Variants in NARS2 observed in about 807,000 individuals in gnomAD.
NARS2 encodes the protein asparaginyl-tRNA synthetase.
In NARS2, 60 loss-of-function variants were observed where a neutral mutation model predicts 62.9. The observed-to-expected ratio is 0.95, with a 90% confidence interval of 0.77 to 1.18. The LOEUF (loss-of-function observed/expected upper bound fraction) is 1.18. Ranked by LOEUF, NARS2 falls within the 50% of genes most tolerant of loss-of-function variation. The pLI, the probability that NARS2 is intolerant of heterozygous loss-of-function variation, is 0.00. For synonymous variants in NARS2, 196 were observed against 200.0 expected, an observed-to-expected ratio of 0.98 and a Z score of 0.17; for missense variants, 619 against 576.4, an observed-to-expected ratio of 1.07 and a Z score of -0.76.
chr11:78,504,513 TA>T (rs754744812), intron 6 of NARS2, among the ~76,000 whole-genome samples: 31 of 147,702 alleles, frequency 2.1e-4, no homozygotes, highest in Middle Eastern at 6.9e-3. Context: ...TAAATAAAAC[TA>T]ATGTGGCTAG....
At chr11:78,439,958 G>A (rs1857525054) in intron 13 of NARS2, among the ~76,000 whole-genome samples, 1 of 152,166 alleles carries the variant, frequency 6.6e-6, no homozygotes, top group South Asian at 2.1e-4. Flanking sequence ...TAAGCAGCTT[G>A]GATTTCTATA....
intron 11 of NARS2, chr11:78,443,971 G>T: frequency 3.2e-6 from 1 of 314,836 alleles, no homozygotes; most frequent in Non-Finnish European, 5.9e-6. Context: ...TCATAAATGT[G>T]ATAGAAATGT....
chr11:78,446,701 T>C (rs1027870512), intron 11 of NARS2, among the ~76,000 whole-genome samples: 1 of 152,006 alleles, frequency 6.6e-6, no homozygotes, highest in African/African-American at 2.4e-5. Context: ...TCAAAATGGA[T>C]TAAAGATTTA....
chr11:78,519,024 T>G (rs1441296992), intron 6 of NARS2, among the ~76,000 whole-genome samples: 1 of 152,034 alleles, frequency 6.6e-6, no homozygotes, highest in East Asian at 1.9e-4. Context: ...CGAATCATAA[T>G]CAAAAAGATC....
intron 6 of NARS2, among the ~76,000 whole-genome samples, chr11:78,495,714 G>A (rs7128449): frequency 0.75 from 114,444 of 151,996 alleles, 43,498 homozygotes; most frequent in Non-Finnish European, 0.82. Context: ...TGTCACTGAC[G>A]CCCTCAGTAC....
intron 9 of NARS2, among the ~76,000 whole-genome samples, chr11:78,470,421 T>C (rs983223959): frequency 2.6e-5 from 4 of 152,180 alleles, no homozygotes; most frequent in African/African-American, 9.6e-5. Context: ...ATTGTGAACA[T>C]CCCTCTAGAG....
At chr11:78,478,510 T>A (rs997992083) in intron 8 of NARS2, 35 bp from the exon 9 acceptor site, 1 of 1,244,354 alleles carries the variant, frequency 8.0e-7, no homozygotes, top group African/African-American at 1.5e-5. Context: ...ATTTTAAAAA[T>A]ATAATTTTAT....
intron 6 of NARS2, among the ~76,000 whole-genome samples, chr11:78,512,555 A>T (rs1025649505): frequency 5.3e-5 from 8 of 152,190 alleles, no homozygotes; most frequent in African/African-American, 1.9e-4. Flanking sequence ...TAGATTAGGA[A>T]GTGGAGGCTC....
At chr11:78,462,501 T>C (rs192601650) in intron 11 of NARS2, among the ~76,000 whole-genome samples, 5 of 152,326 alleles carry the variant, frequency 3.3e-5, no homozygotes, top group Admixed American at 2.0e-4. Flanking sequence ...TTTAGGCAGT[T>C]GGAAGAAGTG....
intron 5 of NARS2, among the ~76,000 whole-genome samples, chr11:78,542,857 G>A (rs1331356628): frequency 3.9e-5 from 6 of 152,188 alleles, no homozygotes; most frequent in Non-Finnish European, 2.9e-5. Flanking sequence ...CATGATCGCT[G>A]GCTCATCACT....
At position 78,469,232 on chromosome 11, in the gene NARS2, C is replaced by T. The variant is rs1198693926; in HGVS notation, c.1026+15G>A. 4.5e-6 allele frequency: 7 copies of T among 1,568,990 alleles called. No individual in the cohort carries two copies. The highest frequency in any genetic ancestry group is 1.7e-5 in the Admixed American group (1 of 59,932). ...ATTTTCACACACACATATATACATA[C>T]ACACAAAATACTACCTCTGGGGTAA... On this transcript the variant is annotated intron_variant, in intron 10 of 13. Coordinates refer to ENST00000281038, the MANE Select transcript of NARS2 (RefSeq NM_024678.6).
chr11:78,508,666 T>C (rs964422876), intron 6 of NARS2, among the ~76,000 whole-genome samples: 1 of 151,006 alleles, frequency 6.6e-6, no homozygotes, highest in Non-Finnish European at 1.5e-5. Context: ...ATGAAAGATA[T>C]GAATGTATAA....
chr11:78,491,839 T>G (rs1859831519), intron 7 of NARS2, among the ~76,000 whole-genome samples: 1 of 152,100 alleles, frequency 6.6e-6, no homozygotes, highest in African/African-American at 2.4e-5. Context: ...ATAAAATAAT[T>G]AGTCTGTTCT....
chr11:78,488,592 GT>G (rs1451190970), intron 7 of NARS2, among the ~76,000 whole-genome samples: 2 of 152,166 alleles, frequency 1.3e-5, no homozygotes, highest in African/African-American at 4.8e-5. Context: ...ATAAATTCGA[GT>G]TGTTTTAACC....
At chr11:78,464,202 G>A (rs1365906437) in intron 11 of NARS2, among the ~76,000 whole-genome samples, 1 of 151,900 alleles carries the variant, frequency 6.6e-6, no homozygotes, top group Non-Finnish European at 1.5e-5. Context: ...TCCTCCCGGT[G>A]GGCTCGTGGG....
chr11:78,448,355 A>G (rs1485891246), intron 11 of NARS2, among the ~76,000 whole-genome samples: 7 of 145,622 alleles, frequency 4.8e-5, no homozygotes, highest in African/African-American at 1.5e-4. Flanking sequence ...CTCGCTCTGT[A>G]GGCCAGGCTG....
chr11:78,504,776 G>A (rs915523145), intron 6 of NARS2, among the ~76,000 whole-genome samples: 5 of 152,130 alleles, frequency 3.3e-5, no homozygotes, highest in Admixed American at 6.5e-5. Context: ...ATATAACACC[G>A]GTGAAGAGAG....
chr11:78,459,400 A>G (rs567748983), intron 11 of NARS2, among the ~76,000 whole-genome samples: 2 of 150,478 alleles, frequency 1.3e-5, no homozygotes, highest in Non-Finnish European at 2.9e-5. Context: ...CCTCCCAAGT[A>G]GCTGGGATTA....
At chr11:78,515,118 A>G (rs1860856119) in intron 6 of NARS2, among the ~76,000 whole-genome samples, 1 of 152,250 alleles carries the variant, frequency 6.6e-6, no homozygotes, top group Non-Finnish European at 1.5e-5. Flanking sequence ...AGTATGCTGC[A>G]GCAGAAAATT....
Sources: allele counts gnomAD v4.1 joint callset (sites outside exome capture counted in the v4.1 genomes callset), GRCh38; gene constraint gnomAD v4.1.1; transcripts MANE v1.5; gene names NCBI Gene and HGNC (gene_info 2026-07-23, HGNC 2026-07-21).